SYT9: variants seen among roughly 807,000 people sequenced by gnomAD.
SYT9 encodes the protein synaptotagmin 9.
Under a neutral mutation model 48.4 loss-of-function variants are expected in SYT9, and 22 were observed. The ratio of observed to expected loss-of-function variants is 0.45; its 90% CI spans 0.32 to 0.65. SYT9 has a LOEUF of 0.65. Ranked by LOEUF, SYT9 falls within the 30% of genes least tolerant of loss-of-function variation. The pLI, the probability that SYT9 is intolerant of heterozygous loss-of-function variation, is 0.03. For synonymous variants in SYT9, 265 were observed against 245.0 expected (o/e 1.08, Z -0.76); for missense variants, 577 against 622.0 (o/e 0.93, Z 0.77).
At chr11:7,247,608 C>CGTAT (rs1452324851), upstream of SYT9, among the ~76,000 whole-genome samples, 1 of 143,072 alleles carries the variant, frequency 7.0e-6, no homozygotes, top group African/African-American at 2.6e-5. Context: ...CGTATATATA[C>CGTAT]ATATATACGT....
At chr11:7,441,889 A>G (rs1280083543) in intron 6 of SYT9, among the ~76,000 whole-genome samples, 1 of 152,000 alleles carries the variant, frequency 6.6e-6, no homozygotes, top group Admixed American at 6.6e-5. Flanking sequence ...GACACCAAGA[A>G]AAACACCATC....
intron 6 of SYT9, among the ~76,000 whole-genome samples, chr11:7,421,031 G>T (rs879802999): frequency 5.3e-5 from 8 of 152,128 alleles, no homozygotes; most frequent in Non-Finnish European, 1.0e-4. Flanking sequence ...ACCAGCTCTG[G>T]CACCAACCTG....
At chr11:7,345,418 A>G (rs891166628) in intron 3 of SYT9, among the ~76,000 whole-genome samples, 2 of 152,190 alleles carry the variant, frequency 1.3e-5, no homozygotes, top group African/African-American at 2.4e-5. Flanking sequence ...TAGTTGTTTA[A>G]AATGTGAGAG....
At chr11:7,254,156 C>A (rs924251643) in intron 1 of SYT9, among the ~76,000 whole-genome samples, 14 of 152,150 alleles carry the variant, frequency 9.2e-5, no homozygotes, top group African/African-American at 3.1e-4. Context: ...AAATCTGATT[C>A]CTTGGCGGAG....
intron 3 of SYT9, among the ~76,000 whole-genome samples, chr11:7,399,848 G>A (rs1354481398): frequency 6.6e-6 from 1 of 152,162 alleles, no homozygotes; most frequent in Non-Finnish European, 1.5e-5. Flanking sequence ...CCATTATTAT[G>A]CTAACAAAAA....
chr11:7,328,842 A>G (rs1849480892), intron 3 of SYT9, among the ~76,000 whole-genome samples: 1 of 152,132 alleles, frequency 6.6e-6, no homozygotes, highest in Admixed American at 6.6e-5. Context: ...TTAATAACTG[A>G]AAAAAACATA....
rs147289261 is a variant in SYT9, at chr11:7,423,787, G to T, written c.1467+3152G>T. Among the ~76,000 whole-genome samples the T allele has an allele frequency of 7.2e-5, 11 of 152,266 alleles. No homozygotes were observed. The East Asian group carries it at 1.7e-3, about 24-fold the overall frequency. Reference sequence around the variant, plus strand: ...CATCATCTCAGAGTGGGGGGAAGGGGTCATCCAGTACTTGGCTAAACACAG... The same window carrying T: ...CATCATCTCAGAGTGGGGGGAAGGGTTCATCCAGTACTTGGCTAAACACAG... On this transcript the variant is annotated intron_variant, in intron 6 of 6. Coordinates refer to ENST00000318881, the MANE Select transcript of SYT9 (RefSeq NM_175733.4).
chr11:7,260,760 C>G (rs971469380), intron 1 of SYT9, among the ~76,000 whole-genome samples: 1 of 152,126 alleles, frequency 6.6e-6, no homozygotes, highest in African/African-American at 2.4e-5. Flanking sequence ...TTTTAGATCC[C>G]CAACATATCA....
chr11:7,428,549 G>A (rs1174166657), intron 6 of SYT9, among the ~76,000 whole-genome samples: 8 of 152,198 alleles, frequency 5.3e-5, no homozygotes, highest in African/African-American at 1.7e-4. Flanking sequence ...GGGCAAAGGC[G>A]GAGCACCCTG....
intron 1 of SYT9, among the ~76,000 whole-genome samples, chr11:7,272,199 C>T (rs1363273364): frequency 1.3e-5 from 2 of 151,994 alleles, no homozygotes; most frequent in South Asian, 2.1e-4. Flanking sequence ...GAACTGAGGG[C>T]GTGAGTAAGG....
chr11:7,243,802 G>C (rs908774595), intron 1 of SYT9, among the ~76,000 whole-genome samples: 3 of 152,162 alleles, frequency 2.0e-5, no homozygotes, highest in Non-Finnish European at 4.4e-5. Flanking sequence ...ACAACCACTT[G>C]TGACACTCTC....
At chr11:7,429,000 G>A (rs1385624985) in intron 6 of SYT9, among the ~76,000 whole-genome samples, 1 of 152,190 alleles carries the variant, frequency 6.6e-6, no homozygotes, top group South Asian at 2.1e-4. Context: ...TGGAGGGTCT[G>A]TGTTGGAATA....
At chr11:7,313,266 C>A in intron 2 of SYT9, 129 bp from the exon 3 acceptor site, 2 of 939,318 alleles carry the variant, frequency 2.1e-6, no homozygotes, top group Non-Finnish European at 3.1e-6. Context: ...GCCACACACA[C>A]ACAAAAAAGG....
chr11:7,305,760 G>A (rs549638495), intron 2 of SYT9, among the ~76,000 whole-genome samples: 3 of 152,098 alleles, frequency 2.0e-5, no homozygotes, highest in South Asian at 2.1e-4. Context: ...CATTATCACC[G>A]TCTCAGGACA....
At chr11:7,265,178 A>G (rs1445277076) in intron 1 of SYT9, among the ~76,000 whole-genome samples, 3 of 152,122 alleles carry the variant, frequency 2.0e-5, no homozygotes. Context: ...CTTATAACTT[A>G]TTAGGTTTAC....
chr11:7,242,935 C>T (rs1847754523), intron 1 of SYT9, among the ~76,000 whole-genome samples: 1 of 151,976 alleles, frequency 6.6e-6, no homozygotes, highest in Non-Finnish European at 1.5e-5. Flanking sequence ...AATCCCAGCT[C>T]CTCGGCAGGC....
intron 3 of SYT9, among the ~76,000 whole-genome samples, chr11:7,365,421 T>C (rs767724519): frequency 6.6e-6 from 1 of 152,220 alleles, no homozygotes. Context: ...TTTAAGACTT[T>C]AGAGTACATC....
In SYT9 at chr11:7,399,844, T is replaced by C. The variant is rs1221285625; in HGVS notation, c.1045-16198T>C. On this transcript the variant is annotated intron_variant, in intron 3 of 6. Coordinates refer to ENST00000318881, the MANE Select transcript of SYT9 (RefSeq NM_175733.4). ...GAGTGATTTTCTTACCAGTCCATTA[T>C]TATGCTAACAAAAAATGCATGGATC... Among the ~76,000 whole-genome samples, 3 of 152,254 alleles carry C rather than the reference T, an allele frequency of 2.0e-5. No homozygotes were observed. In the East Asian group the frequency reaches 5.8e-4, roughly 29 times the overall value.
chr11:7,259,913 A>G (rs1336210010), intron 1 of SYT9, among the ~76,000 whole-genome samples: 1 of 152,124 alleles, frequency 6.6e-6, no homozygotes, highest in Non-Finnish European at 1.5e-5. Flanking sequence ...GATTCGTTGT[A>G]ACACTCTTTT....
Sources: allele counts gnomAD v4.1 joint callset (sites outside exome capture counted in the v4.1 genomes callset), GRCh38; gene constraint gnomAD v4.1.1; transcripts MANE v1.5; gene names NCBI Gene and HGNC (gene_info 2026-07-23, HGNC 2026-07-21).